The following STPG2 variants were observed in gnomAD, a reference collection of about 807,000 sequenced individuals.
STPG2 encodes the protein sperm-tail PG-rich repeat-containing protein 2.
A neutral mutation model predicts 54.2 loss-of-function variants in STPG2; 56 were observed. The observed-to-expected ratio is 1.03, with a 90% CI of 0.83 to 1.29. The LOEUF is 1.29. Among genes scored for constraint, STPG2 ranks in the 50% most tolerant of loss-of-function variants. The pLI is 0.00. For synonymous variants in STPG2, 200 were observed against 181.8 expected (o/e 1.10, Z -0.81); for missense variants, 596 against 544.9 (o/e 1.09, Z -0.93).
rs138398145 is a variant in STPG2 at position 97,981,013 on chromosome 4, A to G, written c.772+146T>C. ...TTTGATTTATCTGTGTTTAATGTAT[A>G]GTGAATGCTTTAAAAAATGTTGACT... On this transcript the variant is annotated intron_variant, in intron 6 of 10. Coordinates refer to ENST00000295268, the MANE Select transcript of STPG2 (RefSeq NM_174952.3). 1.8e-3 allele frequency: 1,258 copies of G among 709,162 alleles called. 10 individuals carry two copies. The highest frequency in any genetic ancestry group is 0.017 in the African/African-American group (969 of 55,382). 43.9% of individuals were successfully genotyped at this position (709,162 alleles called of 1,614,324 possible).
At chr4:97,808,791 A>C (rs1727650334) in intron 9 of STPG2, among the ~76,000 whole-genome samples, 2 of 150,498 alleles carry the variant, frequency 1.3e-5, no homozygotes, top group African/African-American at 5.0e-5. Context: ...CACTAAACCA[A>C]AGAAAGTTTA....
chr4:97,799,547 G>T (rs1478169418), intron 9 of STPG2, among the ~76,000 whole-genome samples: 3 of 152,188 alleles, frequency 2.0e-5, no homozygotes, highest in South Asian at 4.1e-4. Context: ...TCTGCCGAGA[G>T]ATCCGCTGTT....
chr4:98,134,989 T>C (rs1227857258), intron 1 of STPG2, among the ~76,000 whole-genome samples: 3 of 151,768 alleles, frequency 2.0e-5, no homozygotes, highest in African/African-American at 4.8e-5. Context: ...GGTTTACAAA[T>C]ACAAGACACA....
chr4:97,495,710 C>CA lies in STPG2; in HGVS notation c.462+216988dup, dbSNP rs35288994. Among the ~76,000 whole-genome samples the CA allele has an allele frequency of 4.8e-3, 563 of 117,776 alleles. 2 individuals are homozygous for CA. Among genetic ancestry groups the CA allele is most frequent in the Admixed American group, 6.3e-3 (73 of 11,558 alleles). The allele number at this position is 117,776 out of a possible 152,430, so 77.3% of individuals were successfully genotyped here. A position where few individuals can be genotyped will look rare whatever the true frequency, so the allele number is the denominator to read the frequency against. On this transcript the variant is annotated intron_variant, in intron 4 of 4. Coordinates refer to the STPG2 transcript ENST00000522676. ...ATGTTTGGGAAAGGGATGGTCAAGA[C>CA]AAAAAAAAAAAAAAAACACAGAACT...
At chr4:97,532,360 G>A (rs1369869502) in intron 4 of STPG2, among the ~76,000 whole-genome samples, 1 of 151,918 alleles carries the variant, frequency 6.6e-6, no homozygotes, top group Non-Finnish European at 1.5e-5. Context: ...GATTTATTCT[G>A]CTACCAACTA....
intron 8 of STPG2, among the ~76,000 whole-genome samples, chr4:97,873,950 G>A (rs1161103009): frequency 6.6e-6 from 1 of 150,502 alleles, no homozygotes; most frequent in Non-Finnish European, 1.5e-5. Flanking sequence ...TTGTATTTTT[G>A]AAAAAAAGTC....
intron 8 of STPG2, among the ~76,000 whole-genome samples, chr4:97,942,635 T>C (rs1733033316): frequency 6.6e-6 from 1 of 152,148 alleles, no homozygotes; most frequent in Non-Finnish European, 1.5e-5. Context: ...ATCTAATTGC[T>C]ATTATTTCCA....
chr4:97,657,626 C>T (rs1489832805), intron 10 of STPG2, among the ~76,000 whole-genome samples: 1 of 152,128 alleles, frequency 6.6e-6, no homozygotes, highest in Non-Finnish European at 1.5e-5. Flanking sequence ...CAAGAATTGA[C>T]CGATATCTAC....
chr4:97,536,718 A>G (rs1025636377), intron 4 of STPG2, among the ~76,000 whole-genome samples: 3 of 152,134 alleles, frequency 2.0e-5, no homozygotes, highest in Non-Finnish European at 4.4e-5. Flanking sequence ...CATGGGCTGG[A>G]AGAGGCCTGT....
intron 10 of STPG2, among the ~76,000 whole-genome samples, chr4:97,681,116 C>T (rs989865270): frequency 1.3e-5 from 2 of 151,890 alleles, no homozygotes; most frequent in Admixed American, 1.3e-4. Flanking sequence ...ATTATTAAAA[C>T]TGAATTTCCT....
intron 10 of STPG2, among the ~76,000 whole-genome samples, chr4:97,646,533 C>T (rs538131796): frequency 6.6e-6 from 1 of 152,094 alleles, no homozygotes; most frequent in East Asian, 1.9e-4. Flanking sequence ...AACATTAGGA[C>T]CTTTGGGAAA....
Position 98,019,211 on chromosome 4 carries a change from G to A in STPG2, c.613-37893C>T, listed in dbSNP as rs187070719. Reference sequence around the variant, plus strand: ...AATTTTTGTATAAGGTGTAAGGAAGGGATCCAGTTTCAGCTTTCTACATAT... The same window carrying A: ...AATTTTTGTATAAGGTGTAAGGAAGAGATCCAGTTTCAGCTTTCTACATAT... On this transcript the variant is annotated intron_variant, in intron 5 of 10. Coordinates refer to ENST00000295268, the MANE Select transcript of STPG2 (RefSeq NM_174952.3). Among the ~76,000 whole-genome samples, 666 of 152,218 alleles carry A rather than the reference G, an allele frequency of 4.4e-3. 6 individuals are homozygous for A. Among genetic ancestry groups the A allele is most frequent in the South Asian group, 0.011 (51 of 4,822 alleles).
At chr4:97,858,067 C>A (rs1246111679) in intron 8 of STPG2, among the ~76,000 whole-genome samples, 1 of 151,822 alleles carries the variant, frequency 6.6e-6, no homozygotes, top group African/African-American at 2.4e-5. Context: ...CTCAAACGGG[C>A]AAATCTAAGA....
chr4:97,849,714 C>A (rs1252358764), intron 8 of STPG2, among the ~76,000 whole-genome samples: 1 of 151,982 alleles, frequency 6.6e-6, no homozygotes, highest in African/African-American at 2.4e-5. Context: ...ATCAAAACCA[C>A]TATGAGATAC....
chr4:97,489,807 C>T (rs530339883), intron 4 of STPG2: 13 of 150,856 alleles, frequency 8.6e-5, no homozygotes, highest in African/African-American at 2.2e-4. Flanking sequence ...ATCTCTACCC[C>T]GAAATGTAAG....
chr4:97,883,306 T>C (rs1392462462), intron 8 of STPG2, among the ~76,000 whole-genome samples: 1 of 151,834 alleles, frequency 6.6e-6, no homozygotes. Flanking sequence ...GAGGATTGCT[T>C]GAGCCTGAGA....
intron 4 of STPG2, among the ~76,000 whole-genome samples, chr4:97,481,333 C>A (rs1434077831): frequency 6.6e-6 from 1 of 151,388 alleles, no homozygotes; most frequent in Non-Finnish European, 1.5e-5. Context: ...ATTTTATTCA[C>A]AATTGTTTTG....
At chr4:98,071,063 C>T (rs1737987269) in intron 5 of STPG2, among the ~76,000 whole-genome samples, 1 of 148,894 alleles carries the variant, frequency 6.7e-6, no homozygotes, top group Admixed American at 6.7e-5. Flanking sequence ...TTAGAAGAAA[C>T]TATTTCAAAA....
intron 3 of STPG2, among the ~76,000 whole-genome samples, chr4:98,111,185 T>C (rs1478131688): frequency 1.3e-5 from 2 of 151,774 alleles, no homozygotes; most frequent in Admixed American, 6.6e-5. Context: ...TGAACCCTCT[T>C]AACATCCCCA....
Sources: allele counts gnomAD v4.1 joint callset (sites outside exome capture counted in the v4.1 genomes callset), GRCh38; gene constraint gnomAD v4.1.1; transcripts MANE v1.5; gene names NCBI Gene and HGNC (gene_info 2026-07-23, HGNC 2026-07-21).